RPF2: variants seen among roughly 807,000 people sequenced by gnomAD.
RPF2 encodes brix domain containing 1.
RPF2 carries 21 observed loss-of-function variants against 38.9 expected under a neutral mutation model. That is an observed-to-expected ratio of 0.54 (90% CI 0.38 to 0.78). The LOEUF is 0.78. Ranked by LOEUF, RPF2 falls within the 30% of genes least tolerant of loss-of-function variation. RPF2 has a pLI of 0.00. For synonymous variants in RPF2, 121 were observed against 126.2 expected, an observed-to-expected ratio of 0.96 and a Z score of 0.28; for missense variants, 314 against 358.1, an observed-to-expected ratio of 0.88 and a Z score of 0.99.
rs1191977584 is a variant in RPF2, at chr6:111,026,471, G to C, written c.*889G>C. 1.3e-5 allele frequency: 2 copies of C among 152,282 alleles called. No individual in the cohort carries two copies. Among genetic ancestry groups the C allele is most frequent in the Non-Finnish European group, 2.9e-5 (2 of 68,162 alleles). The allele number at this position is 152,282 out of a possible 1,614,324, so 9.4% of individuals were successfully genotyped here. A position where few individuals can be genotyped will look rare whatever the true frequency, so the allele number is the denominator to read the frequency against. On this transcript the variant is annotated 3_prime_UTR_variant, in exon 10 of 10. Transcript: ENST00000441448. ...CCCACTTCACCTTCCTGAGCAGCCGGAACTACAGATGTTGGTCCACTGCAC... is the reference window on the plus strand; with the variant it reads ...CCCACTTCACCTTCCTGAGCAGCCGCAACTACAGATGTTGGTCCACTGCAC...
chr6:110,994,520 G>A (rs184726322), intron 4 of RPF2, among the ~76,000 whole-genome samples: 2 of 151,852 alleles, frequency 1.3e-5, no homozygotes, highest in East Asian at 3.9e-4. Context: ...AGGAGTTTGA[G>A]GTTATAGTGA....
At chr6:111,018,446 T>A (rs1368599402) in intron 8 of RPF2, among the ~76,000 whole-genome samples, 1 of 152,226 alleles carries the variant, frequency 6.6e-6, no homozygotes, top group African/African-American at 2.4e-5. Context: ...GTGTTGACAG[T>A]GTCTTCTGTA....
At chr6:110,999,928 C>T in intron 6 of RPF2, 141 bp downstream of exon 6, 1 of 534,494 alleles carries the variant, frequency 1.9e-6, no homozygotes, top group Non-Finnish European at 3.3e-6. Context: ...GATAAAAATA[C>T]AATTTTATTT....
intron 7 of RPF2, 22 bp downstream of exon 7, chr6:111,008,159 A>G: frequency 6.3e-7 from 1 of 1,585,870 alleles, no homozygotes; most frequent in South Asian, 1.2e-5. Flanking sequence ...AGTATTTATT[A>G]TCTTCAGGGT....
chr6:111,021,770 A>G (rs767515945), intron 8 of RPF2, among the ~76,000 whole-genome samples: 2 of 152,216 alleles, frequency 1.3e-5, no homozygotes, highest in East Asian at 1.9e-4. Context: ...TGGGCTAGCT[A>G]TACTGTGGAA....
In RPF2 at chr6:111,010,475, T is replaced by G. The variant is rs1771993186; in HGVS notation, c.493+2338T>G. On this transcript the variant is annotated intron_variant, in intron 7 of 9. Coordinates refer to ENST00000441448, the MANE Select transcript of RPF2 (RefSeq NM_032194.3). ...TACTGAATTTTTTGCTTCTTTTCCC[T>G]CATGGGGATTGAGAGATTCAGCTTT... Among the ~76,000 whole-genome samples the G allele has an allele frequency of 2.0e-5, 3 of 152,150 alleles. No homozygotes were observed. In the South Asian group the frequency reaches 6.2e-4, roughly 31 times the overall value.
chr6:111,004,907 A>G (rs1300391111), intron 6 of RPF2, among the ~76,000 whole-genome samples: 1 of 151,548 alleles, frequency 6.6e-6, no homozygotes, highest in East Asian at 1.9e-4. Context: ...TCTTTGTATG[A>G]TGTGTATACT....
intron 7 of RPF2, among the ~76,000 whole-genome samples, chr6:111,014,192 A>T (rs569243086): frequency 6.6e-6 from 1 of 150,740 alleles, no homozygotes; most frequent in Non-Finnish European, 1.5e-5. Flanking sequence ...GCTGGAGTAC[A>T]GTGGCGCAAT....
Position 110,982,071 on chromosome 6 carries a change from A to C in RPF2, c.-36A>C, listed in dbSNP as rs764196202. Reference sequence around the variant, plus strand: ...GCACGTAATCGCCGAGGGCACGTGCATGCCCCCTGGTTAAGAGTTGCAGGT... The same window carrying C: ...GCACGTAATCGCCGAGGGCACGTGCCTGCCCCCTGGTTAAGAGTTGCAGGT... On this transcript the variant is annotated 5_prime_UTR_variant, in exon 1 of 10. It removes an upstream start codon present in the reference 5' UTR. Transcript: ENST00000441448. 3.1e-6 allele frequency: 5 copies of C among 1,613,190 alleles called. No homozygotes were observed. Among genetic ancestry groups the C allele is most frequent in the Non-Finnish European group, 4.2e-6 (5 of 1,179,112 alleles).
At chr6:111,016,670 C>CTTTTTTTTTTTTTTT in intron 8 of RPF2, among the ~76,000 whole-genome samples, 1 of 122,178 alleles carries the variant, frequency 8.2e-6, no homozygotes, top group Admixed American at 8.4e-5. Flanking sequence ...AATTGTGGTT[C>CTTTTTTTTTTTTTTT]TTTTTTTTTT....
Position 110,991,771 on chromosome 6 carries a change from G to A in RPF2, c.219G>A (p.Glu73=). The A allele has an allele frequency of 8.1e-7, 1 of 1,234,688 alleles. No homozygotes were observed. Among genetic ancestry groups the A allele is most frequent in the Non-Finnish European group, 1.1e-6 (1 of 885,818 alleles). The allele number at this position is 1,234,688 out of a possible 1,614,324, so 76.5% of individuals were successfully genotyped here. The change falls in exon 4 of 10, where the codon GAG becomes GAA. Residue 73 remains glutamate (E), a synonymous_variant. Coordinates refer to ENST00000441448, the MANE Select transcript of RPF2 (RefSeq NM_032194.3). The part of the protein sequence containing the change: ...YKKKNITRPF[E]DQTSLEFFSK... ...GGAAAAATATTACAAGACCTTTTGA[G>A]GATCAGACATCACTGGTAAGTATAA...
At chr6:111,008,545 A>C (rs930988357) in intron 7 of RPF2, among the ~76,000 whole-genome samples, 1 of 152,078 alleles carries the variant, frequency 6.6e-6, no homozygotes, top group Non-Finnish European at 1.5e-5. Flanking sequence ...GTTTTATAAA[A>C]TTCCTGCACC....
intron 8 of RPF2, among the ~76,000 whole-genome samples, chr6:111,018,069 C>T (rs922769765): frequency 2.8e-4 from 43 of 152,040 alleles, no homozygotes; most frequent in Non-Finnish European, 2.6e-4. Flanking sequence ...GAAAACCAGT[C>T]AGGCGTGGCG....
At chr6:110,985,934 TCA>T (rs747448370) in intron 2 of RPF2, among the ~76,000 whole-genome samples, 90 of 112,572 alleles carry the variant, frequency 8.0e-4, no homozygotes, top group Middle Eastern at 5.1e-3. Flanking sequence ...AGACTCCATT[TCA>T]AAAAAAAAAA....
chr6:111,003,354 G>A (rs6930559), intron 6 of RPF2, among the ~76,000 whole-genome samples: 19,615 of 151,748 alleles, frequency 0.13, 1,744 homozygotes, highest in East Asian at 0.49. Context: ...GCAGTGGCGT[G>A]ATTTCGTCTC....
At chr6:110,983,552 C>G (rs6920521) in intron 1 of RPF2, among the ~76,000 whole-genome samples, 37,517 of 151,880 alleles carry the variant, frequency 0.25, 5,348 homozygotes, top group East Asian at 0.65. Flanking sequence ...CATTGTTGCC[C>G]AGGCTGGTCT....
chr6:110,996,947 G>A (rs1444152596), intron 4 of RPF2, among the ~76,000 whole-genome samples: 3 of 152,214 alleles, frequency 2.0e-5, no homozygotes, highest in Middle Eastern at 3.4e-3. Flanking sequence ...GATTACAGGC[G>A]TGTGCCTTCA....
chr6:111,014,251 C>T (rs2114340717), intron 7 of RPF2, among the ~76,000 whole-genome samples: 1 of 152,060 alleles, frequency 6.6e-6, no homozygotes, highest in South Asian at 2.1e-4. Context: ...ATTCTCCTGC[C>T]TCAGCCTCCC....
At chr6:110,985,705 C>G (rs567452133) in intron 2 of RPF2, among the ~76,000 whole-genome samples, 3 of 151,892 alleles carry the variant, frequency 2.0e-5, no homozygotes, top group Non-Finnish European at 2.9e-5. Flanking sequence ...TTTGGGAGGC[C>G]GAGGCAGGAG....
Sources: allele counts gnomAD v4.1 joint callset (sites outside exome capture counted in the v4.1 genomes callset), GRCh38; gene constraint gnomAD v4.1.1; transcripts MANE v1.5; gene names NCBI Gene and HGNC (gene_info 2026-07-23, HGNC 2026-07-21).